ABCB5: variants seen among roughly 807,000 people sequenced by gnomAD.
The protein encoded by ABCB5 is ATP-binding cassette sub-family B member 5.
In ABCB5, 155 loss-of-function variants were observed where a neutral mutation model predicts 144.2. That is an observed-to-expected ratio of 1.08 (90% CI 0.94 to 1.23). ABCB5 has a LOEUF of 1.23. Ranked by LOEUF, ABCB5 falls within the 50% of genes most tolerant of loss-of-function variation. The pLI is 0.00. For synonymous variants in ABCB5, 610 were observed against 528.6 expected (o/e 1.15, Z -2.11); for missense variants, 1,830 against 1,520.8 (o/e 1.20, Z -3.38).
At chr7:20,734,370 C>T (rs1177650686) in intron 23 of ABCB5, among the ~76,000 whole-genome samples, 2 of 150,998 alleles carry the variant, frequency 1.3e-5, no homozygotes, top group Non-Finnish European at 2.9e-5. Context: ...TTTTCCAACT[C>T]AGCAATCTAG....
chr7:20,734,586 A>G (rs993091946), intron 23 of ABCB5, among the ~76,000 whole-genome samples: 15 of 151,950 alleles, frequency 9.9e-5, no homozygotes, highest in African/African-American at 3.4e-4. Context: ...TTTTAACAGC[A>G]AAATTCTTTA....
chr7:20,708,449 A>T (rs1405098232), intron 20 of ABCB5, among the ~76,000 whole-genome samples: 1 of 152,170 alleles, frequency 6.6e-6, no homozygotes, highest in Non-Finnish European at 1.5e-5. Context: ...GGCTGCAGTG[A>T]GCCATAATTG....
chr7:20,692,405 A>C (rs1374399546), intron 16 of ABCB5, among the ~76,000 whole-genome samples: 2 of 151,858 alleles, frequency 1.3e-5, no homozygotes, highest in Non-Finnish European at 2.9e-5. Flanking sequence ...CCCAATAAAA[A>C]GGAAGGCAAA....
chr7:20,691,824 A>G (rs1287161066), intron 16 of ABCB5, among the ~76,000 whole-genome samples: 1 of 152,052 alleles, frequency 6.6e-6, no homozygotes, highest in Non-Finnish European at 1.5e-5. Flanking sequence ...AGGCTCAGTA[A>G]CATTTACGAG....
At chr7:20,658,704 C>T (rs1403493935) in intron 14 of ABCB5, 28 bp downstream of exon 14, 1 of 1,609,764 alleles carries the variant, frequency 6.2e-7, no homozygotes, top group Non-Finnish European at 8.5e-7. Flanking sequence ...TTTCTTATTT[C>T]CATACTCCTG....
intron 19 of ABCB5, among the ~76,000 whole-genome samples, chr7:20,701,759 C>T (rs1786638502): frequency 6.6e-6 from 1 of 152,174 alleles, no homozygotes; most frequent in African/African-American, 2.4e-5. Context: ...AAGTCTATGC[C>T]ACTTAGCACA....
intron 11 of ABCB5, among the ~76,000 whole-genome samples, chr7:20,648,987 G>A (rs2128025013): frequency 6.6e-6 from 1 of 152,294 alleles, no homozygotes; most frequent in South Asian, 2.1e-4. Flanking sequence ...AGGGACTTCA[G>A]CACCAATTGT....
At chr7:20,750,027 A>G (rs58810883) in intron 26 of ABCB5, among the ~76,000 whole-genome samples, 8,968 of 152,242 alleles carry the variant, frequency 0.059, 899 homozygotes, top group African/African-American at 0.2. Context: ...AGAAATGTTT[A>G]AGTTTGGTAG....
chr7:20,695,105 G>C (rs756493207), intron 16 of ABCB5, among the ~76,000 whole-genome samples: 1 of 151,764 alleles, frequency 6.6e-6, no homozygotes, highest in Non-Finnish European at 1.5e-5. Context: ...GTTGGAAGAG[G>C]GATACTACCT....
intron 19 of ABCB5, among the ~76,000 whole-genome samples, chr7:20,704,380 C>A (rs1583437554): frequency 6.6e-6 from 1 of 152,022 alleles, no homozygotes; most frequent in African/African-American, 2.4e-5. Context: ...CCTTCATCGC[C>A]TTACTTTTGA....
intron 23 of ABCB5, among the ~76,000 whole-genome samples, chr7:20,729,825 T>C (rs1337715109): frequency 1.3e-5 from 2 of 152,202 alleles, no homozygotes; most frequent in African/African-American, 4.8e-5. Flanking sequence ...GTTACAAGGA[T>C]GCTGCTATTT....
chr7:20,669,106 G>A (rs1282135748), intron 14 of ABCB5, among the ~76,000 whole-genome samples: 10 of 151,206 alleles, frequency 6.6e-5, no homozygotes, highest in Admixed American at 1.3e-4. Flanking sequence ...GATGGTGGGG[G>A]GGGTCAGCCC....
At chr7:20,717,274 C>A (rs1781703517) in intron 20 of ABCB5, among the ~76,000 whole-genome samples, 1 of 152,066 alleles carries the variant, frequency 6.6e-6, no homozygotes, top group African/African-American at 2.4e-5. Flanking sequence ...GCTGCAACAA[C>A]AGACATTCAT....
At chr7:20,720,134 A>AT (rs1321884334) in intron 20 of ABCB5, among the ~76,000 whole-genome samples, 1 of 152,148 alleles carries the variant, frequency 6.6e-6, no homozygotes, top group African/African-American at 2.4e-5. Flanking sequence ...CTGGAAAATC[A>AT]TTTTGTGTCA....
At chr7:20,655,811 TC>T (rs1297172950) in intron 13 of ABCB5, among the ~76,000 whole-genome samples, 6 of 151,670 alleles carry the variant, frequency 4.0e-5, no homozygotes, top group Non-Finnish European at 7.4e-5. Context: ...ACATGTTGAT[TC>T]CAAAATTTAT....
chr7:20,690,277 T>A (rs139140741), intron 16 of ABCB5, among the ~76,000 whole-genome samples: 27 of 152,368 alleles, frequency 1.8e-4, no homozygotes, highest in Non-Finnish European at 3.4e-4. Flanking sequence ...CCCTTATAGA[T>A]AATTTACAAT....
chr7:20,681,788 GT>G, intron 15 of ABCB5, 122 bp downstream of exon 15: 1 of 1,104,710 alleles, frequency 9.1e-7, no homozygotes, highest in Non-Finnish European at 1.3e-6. Context: ...AAGGTTTATA[GT>G]TCCTCAGTAA....
At chr7:20,672,515 T>C (rs1257310900) in intron 14 of ABCB5, among the ~76,000 whole-genome samples, 1 of 152,132 alleles carries the variant, frequency 6.6e-6, no homozygotes, top group Non-Finnish European at 1.5e-5. Flanking sequence ...CACACATTTA[T>C]CTATGTAACA....
chr7:20,711,809 T>TC (rs1787058410), intron 20 of ABCB5, among the ~76,000 whole-genome samples: 1 of 48,176 alleles, frequency 2.1e-5, no homozygotes, highest in Non-Finnish European at 3.2e-5. Flanking sequence ...TCTTTCTTTC[T>TC]TTCTTTCTTT....
Sources: gnomAD v4.1 joint callset for allele counts (sites outside exome capture counted in the v4.1 genomes callset) on GRCh38, gnomAD v4.1.1 for gene constraint, MANE v1.5 for transcripts, NCBI Gene and HGNC (gene_info 2026-07-23, HGNC 2026-07-21) for gene names.